The following EEA1 variants were observed in gnomAD, a reference collection of about 807,000 sequenced individuals.
The protein encoded by EEA1 is early endosome antigen 1, 162kD.
A neutral mutation model predicts 209.2 loss-of-function variants in EEA1; 111 were observed. The ratio of observed to expected loss-of-function variants is 0.53; its 90% CI spans 0.45 to 0.62. The LOEUF (loss-of-function observed/expected upper bound fraction) is 0.62, where lower values mean the gene tolerates loss of function less well. Ranked by LOEUF, EEA1 falls within the 20% of genes least tolerant of loss-of-function variation. The pLI, the probability that EEA1 is intolerant of heterozygous loss-of-function variation, is 0.00. For missense variants in EEA1, 1,343 were observed against 1,530.8 expected, an observed-to-expected ratio of 0.88 and a Z score of 2.05; for synonymous variants, 536 against 540.6, an observed-to-expected ratio of 0.99 and a Z score of 0.12.
intron 2 of EEA1, among the ~76,000 whole-genome samples, chr12:92,873,064 A>G (rs1292640315): frequency 2.0e-5 from 3 of 152,240 alleles, no homozygotes; most frequent in Non-Finnish European, 4.4e-5. Flanking sequence ...CATGAGTGTC[A>G]GTGTCAAAAA....
intron 1 of EEA1, among the ~76,000 whole-genome samples, chr12:92,914,394 G>T (rs1437821651): frequency 6.6e-6 from 1 of 152,248 alleles, no homozygotes; most frequent in South Asian, 2.1e-4. Flanking sequence ...GTAGCATAAC[G>T]TGAAGTCAGG....
chr12:92,827,398 A>G (rs919930206), intron 12 of EEA1, among the ~76,000 whole-genome samples: 20 of 152,180 alleles, frequency 1.3e-4, no homozygotes, highest in African/African-American at 4.6e-4. Context: ...TTAAAAATAA[A>G]AAAGTGTGTT....
At position 92,908,456 on chromosome 12, in the gene EEA1, G is replaced by A. The variant is rs113654784; in HGVS notation, c.25-16735C>T. 9.2e-3 allele frequency among the ~76,000 whole-genome samples: 1,394 copies of A among 152,108 alleles called. 11 individuals are homozygous for A. The highest frequency in any genetic ancestry group is 0.012 in the Non-Finnish European group (839 of 67,992). ...GTAAAAATTGTATCTTTTAAATTAC[G>A]TATATTTTGTCATAATTTAAAAAAA... On this transcript the variant is annotated intron_variant, in intron 1 of 28. Coordinates refer to ENST00000322349, the MANE Select transcript of EEA1 (RefSeq NM_003566.4).
At chr12:92,787,673 AAT>A (rs1189141847) in intron 22 of EEA1, among the ~76,000 whole-genome samples, 192 bp downstream of exon 22, 2 of 152,144 alleles carry the variant, frequency 1.3e-5, no homozygotes, top group Admixed American at 1.3e-4. Flanking sequence ...TACTATTATA[AAT>A]ATGTCATTTT....
At chr12:92,884,237 G>A in intron 2 of EEA1, 3 of 1,517,470 alleles carry the variant, frequency 2.0e-6, no homozygotes, top group Non-Finnish European at 2.7e-6. Context: ...TGACGACCAT[G>A]ACTCCGTGGA....
intron 27 of EEA1, 79 bp from the exon 28 acceptor site, chr12:92,777,021 G>C: frequency 2.0e-6 from 3 of 1,468,432 alleles, no homozygotes; most frequent in Non-Finnish European, 1.9e-6. Context: ...CTTGCTGCCA[G>C]AGTTCTATAA....
chr12:92,864,586 A>G (rs755182083), intron 3 of EEA1, among the ~76,000 whole-genome samples: 1 of 152,170 alleles, frequency 6.6e-6, no homozygotes, highest in Non-Finnish European at 1.5e-5. Flanking sequence ...ATTACACACA[A>G]TATGCTAAAT....
At chr12:92,870,414 A>G (rs1462605610) in intron 2 of EEA1, among the ~76,000 whole-genome samples, 3 of 152,212 alleles carry the variant, frequency 2.0e-5, no homozygotes, top group African/African-American at 4.8e-5. Flanking sequence ...TTTCAGCCTG[A>G]AAATGGGCAG....
chr12:92,797,717 T>C (rs544523211), intron 21 of EEA1, among the ~76,000 whole-genome samples: 6 of 152,298 alleles, frequency 3.9e-5, no homozygotes, highest in African/African-American at 1.2e-4. Flanking sequence ...TGCACTGTGA[T>C]AATTACATGT....
At chr12:92,880,313 G>C (rs1458380099) in intron 2 of EEA1, among the ~76,000 whole-genome samples, 1 of 150,916 alleles carries the variant, frequency 6.6e-6, no homozygotes, top group Non-Finnish European at 1.5e-5. Flanking sequence ...CAATGTTTTT[G>C]TTTTTTTTTG....
intron 1 of EEA1, among the ~76,000 whole-genome samples, chr12:92,898,720 C>T (rs1269837589): frequency 6.2e-5 from 8 of 129,870 alleles, no homozygotes; most frequent in Admixed American, 1.6e-4. Context: ...TTTTTTTTTT[C>T]CTTTTTTTCC....
At chr12:92,891,549 C>A (rs1166670377) in intron 2 of EEA1, 80 bp downstream of exon 2, 3 of 1,115,918 alleles carry the variant, frequency 2.7e-6, no homozygotes, top group African/African-American at 1.6e-5. Context: ...TTTTCCTATA[C>A]AAATCACCAA....
rs569779094 is a variant in EEA1 at position 92,843,803 on chromosome 12, AATACTT to A, written c.799-1228_799-1223del. ...AGATACAAGTTTTAAATTTTTTCTTAATACTTATACTTATTCATATCATATATTACA... is the reference window on the plus strand; with the variant it reads ...AGATACAAGTTTTAAATTTTTTCTTAATACTTATTCATATCATATATTACA... On this transcript the variant is annotated intron_variant, in intron 9 of 28. Transcript: ENST00000322349. 5.9e-3 allele frequency among the ~76,000 whole-genome samples: 899 copies of A among 152,258 alleles called. 7 individuals are homozygous for A. Among genetic ancestry groups the A allele is most frequent in the African/African-American group, 0.021 (857 of 41,556 alleles).
chr12:92,902,219 AT>A (rs1880174343), intron 1 of EEA1, among the ~76,000 whole-genome samples: 1 of 152,164 alleles, frequency 6.6e-6, no homozygotes, highest in African/African-American at 2.4e-5. Flanking sequence ...TTCAAATATT[AT>A]TAAGATGGAA....
chr12:92,862,128 C>T (rs1403824757), intron 3 of EEA1, among the ~76,000 whole-genome samples: 1 of 152,190 alleles, frequency 6.6e-6, no homozygotes, highest in Non-Finnish European at 1.5e-5. Flanking sequence ...AGTCACATGT[C>T]ATCCACAGTG....
intron 27 of EEA1, 119 bp from the exon 28 acceptor site, chr12:92,777,061 A>AT (rs1873687032): frequency 2.1e-6 from 2 of 957,700 alleles, no homozygotes; most frequent in African/African-American, 3.3e-5. Flanking sequence ...ATGAAATAAA[A>AT]TTTTAAAAAT....
At chr12:92,786,530 A>T (rs1405126767) in intron 22 of EEA1, among the ~76,000 whole-genome samples, 2 of 152,162 alleles carry the variant, frequency 1.3e-5, no homozygotes, top group African/African-American at 4.8e-5. Flanking sequence ...TATCTCTGTC[A>T]AATCCTTGCA....
rs1433268945 is a variant in EEA1, at chr12:92,891,489, T to C, written c.117+140A>G. On this transcript the variant is annotated intron_variant, in intron 2 of 28. Transcript: ENST00000322349. ...CTAGGCACAGGCATATAGCTACAAGTATGTTTCAAAAGTCACATTCCAACT... is the reference window on the plus strand; with the variant it reads ...CTAGGCACAGGCATATAGCTACAAGCATGTTTCAAAAGTCACATTCCAACT... The C allele has an allele frequency of 4.8e-6, 3 of 624,240 alleles. No homozygotes were observed. In the African/African-American group the frequency reaches 5.5e-5, roughly 11 times the overall value. The allele number at this position is 624,240 out of a possible 1,614,324, so 38.7% of individuals were successfully genotyped here.
chr12:92,829,288 C>T (rs775522766), intron 11 of EEA1, among the ~76,000 whole-genome samples: 2 of 151,728 alleles, frequency 1.3e-5, no homozygotes, highest in Non-Finnish European at 2.9e-5. Flanking sequence ...GCCTAGGCAA[C>T]AAAGTGAGAT....
Sources: allele counts gnomAD v4.1 joint callset (sites outside exome capture counted in the v4.1 genomes callset), GRCh38; gene constraint gnomAD v4.1.1; transcripts MANE v1.5; gene names NCBI Gene and HGNC (gene_info 2026-07-23, HGNC 2026-07-21).